Variants in ZKSCAN7 observed in about 807,000 individuals in gnomAD.
ZKSCAN7 encodes zinc finger protein with KRAB and SCAN domains 7.
In ZKSCAN7, 38 loss-of-function variants were observed where a neutral mutation model predicts 65.3. The observed-to-expected ratio is 0.58, with a 90% CI of 0.45 to 0.76. The LOEUF (loss-of-function observed/expected upper bound fraction) is 0.76. Ranked by LOEUF, ZKSCAN7 falls within the 30% of genes least tolerant of loss-of-function variation. ZKSCAN7 has a pLI of 0.00. For missense variants in ZKSCAN7, 815 were observed against 913.3 expected (o/e 0.89, Z 1.39); for synonymous variants, 321 against 321.0 (o/e 1.00, Z 0.00).
At chr3:44,568,858 C>A (rs1699712630) in intron 5 of ZKSCAN7, among the ~76,000 whole-genome samples, 1 of 152,198 alleles carries the variant, frequency 6.6e-6, no homozygotes, top group South Asian at 2.1e-4. Context: ...CAGCTGCTCG[C>A]AGTGTATCTG....
chr3:44,580,231 A>G, intron 5 of ZKSCAN7: 1 of 1,612,796 alleles, frequency 6.2e-7, no homozygotes, highest in Middle Eastern at 1.7e-4. Flanking sequence ...TTCTCCAGAG[A>G]GAAGTAGCTG....
intron 5 of ZKSCAN7, among the ~76,000 whole-genome samples, chr3:44,582,019 A>T (rs1700095698): frequency 6.6e-6 from 1 of 152,230 alleles, no homozygotes; most frequent in African/African-American, 2.4e-5. Flanking sequence ...ACATGGTGGC[A>T]CTATAAAAAG....
At chr3:44,582,293 A>G (rs1382705516) in intron 5 of ZKSCAN7, among the ~76,000 whole-genome samples, 14 of 152,184 alleles carry the variant, frequency 9.2e-5, no homozygotes. Context: ...CTCCCTTTTA[A>G]GGCATGTGAG....
At chr3:44,560,506 CTTTTTTTTTT>C (rs33986362) in intron 2 of ZKSCAN7, among the ~76,000 whole-genome samples, 16 of 108,388 alleles carry the variant, frequency 1.5e-4, no homozygotes, top group South Asian at 2.8e-4. Context: ...TTTCCTGTAT[CTTTTTTTTTT>C]TTTTTTTTTT....
chr3:44,575,289 T>C (rs557772309), downstream of ZKSCAN7, among the ~76,000 whole-genome samples: 2 of 152,296 alleles, frequency 1.3e-5, no homozygotes, highest in East Asian at 3.9e-4. Context: ...AGTGAGACCC[T>C]GTCTTAAAAA....
chr3:44,582,934 G>A (rs1462695680), intron 5 of ZKSCAN7: 3 of 428,924 alleles, frequency 7.0e-6, no homozygotes, highest in Middle Eastern at 7.3e-4. Context: ...GTGTGTGTGT[G>A]TGTGTGTGTG....
intron 2 of ZKSCAN7, among the ~76,000 whole-genome samples, chr3:44,564,275 G>C (rs1387145368): frequency 6.6e-6 from 1 of 152,222 alleles, no homozygotes; most frequent in African/African-American, 2.4e-5. Flanking sequence ...AGATTAGTGT[G>C]TCTGATCTTA....
intron 5 of ZKSCAN7, among the ~76,000 whole-genome samples, chr3:44,577,977 C>A (rs1461019270): frequency 3.9e-5 from 6 of 152,220 alleles, no homozygotes; most frequent in Non-Finnish European, 8.8e-5. Context: ...CACCGTCAGG[C>A]CTTCCTTCAG....
In ZKSCAN7 at chr3:44,571,487, T is replaced by C; in HGVS notation, c.*112T>C. On this transcript the variant is annotated 3_prime_UTR_variant, in exon 6 of 6. Coordinates refer to ENST00000426540, the MANE Select transcript of ZKSCAN7 (RefSeq NM_001288590.2). The stretch of plus-strand genomic sequence containing the variant: ...GTAGTCACGGTGGACCATTCCCTAC[T>C]TGCTTTTCCTTGGATCACTAAGGTG... 6.3e-7 allele frequency: 1 copy of C among 1,588,326 alleles called. No homozygotes were observed. The highest frequency in any genetic ancestry group is 8.5e-7 in the Non-Finnish European group (1 of 1,172,532).
chr3:44,567,283 G>A (rs1215752017), intron 3 of ZKSCAN7, among the ~76,000 whole-genome samples: 1 of 151,810 alleles, frequency 6.6e-6, no homozygotes, highest in Non-Finnish European at 1.5e-5. Context: ...GGAAGGAAAG[G>A]GAGAAAAAGA....
At position 44,557,123 on chromosome 3, in the gene ZKSCAN7, A is replaced by C. The variant is rs753868133; in HGVS notation, c.76A>C (p.Thr26Pro). Residue 26 changes from threonine (T) to proline (P), a missense_variant, in exon 2 of 6, where the codon ACT (threonine) becomes CCT (proline). Coordinates refer to ENST00000426540, the MANE Select transcript of ZKSCAN7 (RefSeq NM_001288590.2). ...TAFQKQEGRL[T>P]VKQEPANQTW... is the part of the protein sequence containing the mutation. Reference sequence around the variant, plus strand: ...TTTCCAGAAGCAAGAGGGGCGCCTGACTGTGAAGCAGGAGCCAGCAAACCA... The same window carrying C: ...TTTCCAGAAGCAAGAGGGGCGCCTGCCTGTGAAGCAGGAGCCAGCAAACCA... 6.2e-6 allele frequency: 10 copies of C among 1,614,136 alleles called. No individual in the cohort carries two copies. The Admixed American group carries it at 1.7e-4, about 27-fold the overall frequency.
chr3:44,557,496 G>A (rs759863759), intron 2 of ZKSCAN7, 26 bp downstream of exon 2: 12 of 1,612,618 alleles, frequency 7.4e-6, no homozygotes, highest in Non-Finnish European at 9.3e-6. Context: ...TAGAATGGCG[G>A]CCTGATGCTT....
chr3:44,570,941 G>C lies in ZKSCAN7; in HGVS notation c.1831G>C (p.Glu611Gln). 6.2e-7 allele frequency: 1 copy of C among 1,614,184 alleles called. No homozygotes were observed. The change falls in exon 6 of 6, where the codon GAG becomes CAG. Residue 611 changes from glutamate to glutamine, a missense_variant. By Grantham distance (29) the Glu-to-Gln change is conservative. Around this residue, in one of 3 missense-constraint regions of ZKSCAN7, gnomAD observed 578 missense variants for 629.5 expected, o/e 0.92. Transcript: ENST00000426540. ...TGGAGAAAAACCTTTTGAATGTAGC[G>C]AGTGTGGTAAGGCATTTGGTCTGAG... is the stretch of plus-strand genomic sequence containing the variant. Reference protein sequence around the residue: ...HTGEKPFECSECGKAFGLSKC... With the variant: ...HTGEKPFECSQCGKAFGLSKC...
At chr3:44,577,145 T>G (rs1228303274), downstream of ZKSCAN7, among the ~76,000 whole-genome samples, 1 of 152,048 alleles carries the variant, frequency 6.6e-6, no homozygotes, top group Admixed American at 6.6e-5. Context: ...TAAAAAAATT[T>G]TTATAGAGAC....
chr3:44,571,282 T>C lies in ZKSCAN7; in HGVS notation c.2172T>C (p.Cys724=), dbSNP rs1228611808. ...AGAAACCTTATGAATGTAGTGAATG[T>C]GGGAAAGCCTTTAGTCAGCGTTCCA... ...TGEKPYECSE[C]GKAFSQRSTF... is the part of the protein sequence containing the mutation. The change falls in exon 6 of 6, where the codon TGT becomes TGC. Residue 724 remains cysteine (C), a synonymous_variant. Coordinates refer to ENST00000426540, the MANE Select transcript of ZKSCAN7 (RefSeq NM_001288590.2). 6.2e-7 allele frequency: 1 copy of C among 1,614,256 alleles called. No individual in the cohort carries two copies.
chr3:44,565,577 A>C lies in ZKSCAN7; in HGVS notation c.514A>C (p.Ser172Arg). Residue 172 changes from serine (S) to arginine (R), a missense_variant, in exon 3 of 6, where the codon AGT (serine) becomes CGT (arginine). Ser to Arg is a moderately radical substitution (Grantham distance 110). Around this residue, in one of 3 missense-constraint regions of ZKSCAN7, gnomAD observed 227 missense variants for 253.3 expected, o/e 0.90. Transcript: ENST00000426540. ...GGAATCTCCTCCTACCTCACCCCTC[A>C]GTGGGGGCTCAGCCCCTGGAGCCCA... ...TKESPPTSPL[S>R]GGSAPGAHLE... is the part of the protein sequence containing the mutation. 6.2e-7 allele frequency: 1 copy of C among 1,613,024 alleles called. No individual in the cohort carries two copies. Among genetic ancestry groups the C allele is most frequent in the South Asian group, 1.1e-5 (1 of 90,656 alleles).
In ZKSCAN7 at chr3:44,569,996, A is replaced by G. The variant is rs761975034; in HGVS notation, c.886A>G (p.Arg296Gly). The change falls in exon 6 of 6, where the codon AGG becomes GGG. Residue 296 changes from arginine to glycine, a missense_variant. By Grantham distance (125) the Arg-to-Gly change is moderately radical. This residue lies in a region of ZKSCAN7 where 578 missense variants were observed against 629.5 expected (regional missense o/e 0.92). Transcript: ENST00000426540. ...EFFKGSESSN[R>G]TSGGLFGVVP... Reference sequence around the variant, plus strand: ...TTTTAAAGGATCAGAGTCATCTAACAGGACATCAGGGGGACTCTTTGGGGT... The same window carrying G: ...TTTTAAAGGATCAGAGTCATCTAACGGGACATCAGGGGGACTCTTTGGGGT... 2 of 1,608,254 alleles carry G rather than the reference A, an allele frequency of 1.2e-6. No individual in the cohort carries two copies. Among genetic ancestry groups the G allele is most frequent in the Non-Finnish European group, 1.7e-6 (2 of 1,177,900 alleles).
At chr3:44,559,790 C>G (rs1187733988) in intron 2 of ZKSCAN7, among the ~76,000 whole-genome samples, 1 of 152,188 alleles carries the variant, frequency 6.6e-6, no homozygotes, top group Non-Finnish European at 1.5e-5. Flanking sequence ...TGATCAGGAT[C>G]CTGGGGCTAG....
At chr3:44,573,309 A>G (rs1203728238), downstream of ZKSCAN7, among the ~76,000 whole-genome samples, 1 of 152,156 alleles carries the variant, frequency 6.6e-6, no homozygotes, top group Non-Finnish European at 1.5e-5. Context: ...GAGGATCCAC[A>G]GTGTGACAGA....
Sources: gnomAD v4.1 joint callset for allele counts (sites outside exome capture counted in the v4.1 genomes callset) on GRCh38, gnomAD v4.1.1 for gene constraint, gnomAD v4.1.1 regional missense constraint, MANE v1.5 for transcripts, NCBI Gene and HGNC (gene_info 2026-07-23, HGNC 2026-07-21) for gene names.